MTPN: variants seen among roughly 807,000 people sequenced by gnomAD.
The protein encoded by MTPN is myotrophin, also known as granule cell differentiation protein.
MTPN carries 2 observed loss-of-function variants against 13.5 expected under a neutral mutation model. The observed-to-expected ratio is 0.15, with a 90% CI of 0.06 to 0.47. The LOEUF (loss-of-function observed/expected upper bound fraction) is 0.47. Among genes scored for constraint, MTPN ranks in the 20% least tolerant of loss-of-function variants. The pLI, the probability that MTPN is intolerant of heterozygous loss-of-function variation, is 0.97. For missense variants in MTPN, 79 were observed against 137.9 expected, an observed-to-expected ratio of 0.57 and a Z score of 2.14; for synonymous variants, 46 against 51.7, an observed-to-expected ratio of 0.89 and a Z score of 0.48.
intron 3 of MTPN, among the ~76,000 whole-genome samples, chr7:135,948,201 A>G (rs911695391): frequency 1.3e-5 from 2 of 152,178 alleles, no homozygotes; most frequent in Non-Finnish European, 2.9e-5. Flanking sequence ...TCAATTTTCA[A>G]AAAAAATCTG....
intron 3 of MTPN, among the ~76,000 whole-genome samples, chr7:135,937,402 A>C (rs866419188): frequency 6.3e-5 from 9 of 142,550 alleles, no homozygotes; most frequent in East Asian, 4.2e-4. Flanking sequence ...CACACACACA[A>C]AACCTCTCTC....
chr7:135,953,464 G>C (rs566497150), intron 1 of MTPN, among the ~76,000 whole-genome samples: 99 of 152,286 alleles, frequency 6.5e-4, no homozygotes, highest in African/African-American at 2.1e-3. Context: ...TCTATGTGCA[G>C]AGATGACAGT....
chr7:135,934,555 C>T (rs762446323), intron 3 of MTPN, among the ~76,000 whole-genome samples: 3 of 152,218 alleles, frequency 2.0e-5, no homozygotes, highest in Non-Finnish European at 4.4e-5. Flanking sequence ...ATTACCTAGG[C>T]TGCCATGTGG....
intron 3 of MTPN, 110 bp from the exon 4 acceptor site, chr7:135,930,122 CT>C: frequency 1.1e-6 from 1 of 928,630 alleles, no homozygotes; most frequent in Non-Finnish European, 1.7e-6. Flanking sequence ...TTAAAAATTC[CT>C]TTACTAGTGG....
At chr7:135,970,281 A>G (rs1341296413) in intron 1 of MTPN, among the ~76,000 whole-genome samples, 1 of 152,210 alleles carries the variant, frequency 6.6e-6, no homozygotes, top group African/African-American at 2.4e-5. Flanking sequence ...GTTTTTCTGA[A>G]ATTAATTACA....
chr7:135,964,211 C>T (rs896083833), intron 1 of MTPN, among the ~76,000 whole-genome samples: 5 of 151,946 alleles, frequency 3.3e-5, no homozygotes, highest in Non-Finnish European at 7.4e-5. Context: ...AACTGTATAG[C>T]TGCTTTCTAA....
At chr7:135,940,675 C>T (rs1223566224) in intron 3 of MTPN, among the ~76,000 whole-genome samples, 1 of 152,088 alleles carries the variant, frequency 6.6e-6, no homozygotes, top group African/African-American at 2.4e-5. Context: ...TATTCTATAC[C>T]ACATTTAGTT....
chr7:135,944,714 C>A lies in MTPN; in HGVS notation c.270+5885G>T, dbSNP rs751429602. On this transcript the variant is annotated intron_variant, in intron 3 of 3. Transcript: ENST00000393085. ...CATGATAGTGTATTAATACTACAGG[C>A]AAACTACTATTATTTCTCTTACAGA... is the stretch of plus-strand genomic sequence containing the variant. Among the ~76,000 whole-genome samples, 97 of 152,064 alleles carry A rather than the reference C, an allele frequency of 6.4e-4. 1 individual carries two copies. The highest frequency in any genetic ancestry group is 1.8e-4 in the Non-Finnish European group (12 of 68,006).
At chr7:135,968,965 T>C (rs767534730) in intron 1 of MTPN, among the ~76,000 whole-genome samples, 3 of 151,726 alleles carry the variant, frequency 2.0e-5, no homozygotes, top group Non-Finnish European at 4.4e-5. Context: ...ATAAAGATGA[T>C]GGTTCAAATT....
At chr7:135,950,012 C>A (rs1213062281) in intron 3 of MTPN, among the ~76,000 whole-genome samples, 2 of 152,156 alleles carry the variant, frequency 1.3e-5, no homozygotes, top group African/African-American at 4.8e-5. Context: ...TCTAATACAG[C>A]TAGAATGGCG....
intron 2 of MTPN, among the ~76,000 whole-genome samples, chr7:135,951,133 G>C (rs1799358862): frequency 6.6e-6 from 1 of 152,130 alleles, no homozygotes; most frequent in African/African-American, 2.4e-5. Flanking sequence ...GCGCTTATCT[G>C]ACCACTTGCC....
In MTPN at chr7:135,930,011, C is replaced by A. The variant is rs1798993049; in HGVS notation, c.272G>T (p.Gly91Val). ...TGGGCCTTTCACAGTCTTATCAGCA[C>A]CCTGGAAAAGAGAGGAAAGGGCTCA... ...VSCVKLLLSK[G>V]ADKTVKGPDG... The change falls in exon 4 of 4, where the codon GGT becomes GTT. Residue 91 changes from glycine to valine, a missense_variant and splice_region_variant. Coordinates refer to ENST00000393085, the MANE Select transcript of MTPN (RefSeq NM_145808.4). 1 of 1,612,754 alleles carries A rather than the reference C, an allele frequency of 6.2e-7. No individual in the cohort carries two copies. The highest frequency in any genetic ancestry group is 8.5e-7 in the Non-Finnish European group (1 of 1,179,814).
At chr7:135,934,360 T>C (rs1031753585) in intron 3 of MTPN, among the ~76,000 whole-genome samples, 29 of 152,334 alleles carry the variant, frequency 1.9e-4, no homozygotes, top group African/African-American at 7.0e-4. Flanking sequence ...CTCACCCATA[T>C]GTCTGGAGCT....
chr7:135,965,458 T>G (rs1799590776), intron 1 of MTPN, among the ~76,000 whole-genome samples: 1 of 152,144 alleles, frequency 6.6e-6, no homozygotes, highest in African/African-American at 2.4e-5. Context: ...TTCTAAGGAC[T>G]TAAGTTTTAG....
rs1173139247 is a variant in MTPN at position 135,927,248 on chromosome 7, T to A, written c.*2678A>T. The stretch of plus-strand genomic sequence containing the variant: ...GCTTCCACACACTGCACCTACCTAC[T>A]ACCTCTCTTCCATGCTTAACTGGGT... On this transcript the variant is annotated 3_prime_UTR_variant, in exon 4 of 4. Coordinates refer to ENST00000393085, the MANE Select transcript of MTPN (RefSeq NM_145808.4). 6.6e-7 allele frequency: 1 copy of A among 1,508,360 alleles called. No homozygotes were observed. Among genetic ancestry groups the A allele is most frequent in the Admixed American group, 2.2e-5 (1 of 45,898 alleles). 93.4% of individuals were successfully genotyped at this position (1,508,360 alleles called of 1,614,324 possible).
chr7:135,962,181 G>C (rs10232887), intron 1 of MTPN, among the ~76,000 whole-genome samples: 71,231 of 151,362 alleles, frequency 0.47, 16,987 homozygotes, highest in East Asian at 0.6. Context: ...TAAAACCTTA[G>C]AGAACCCATT....
At chr7:135,957,413 G>GT (rs1302813403) in intron 1 of MTPN, among the ~76,000 whole-genome samples, 1 of 151,948 alleles carries the variant, frequency 6.6e-6, no homozygotes, top group Non-Finnish European at 1.5e-5. Flanking sequence ...CCCAAGAAAG[G>GT]TCTTAAGATT....
chr7:135,959,310 C>T (rs753933179), intron 1 of MTPN, among the ~76,000 whole-genome samples: 2 of 152,094 alleles, frequency 1.3e-5, no homozygotes, highest in African/African-American at 2.4e-5. Flanking sequence ...TCATTGATTC[C>T]TAAGCACACA....
At chr7:135,933,573 G>A (rs1454065785) in intron 3 of MTPN, among the ~76,000 whole-genome samples, 7 of 152,038 alleles carry the variant, frequency 4.6e-5, no homozygotes, top group Non-Finnish European at 8.8e-5. Context: ...AGTAAGTGAT[G>A]TTCAAATTAT....
Sources: allele counts gnomAD v4.1 joint callset (sites outside exome capture counted in the v4.1 genomes callset), GRCh38; gene constraint gnomAD v4.1.1; transcripts MANE v1.5; gene names NCBI Gene and HGNC (gene_info 2026-07-23, HGNC 2026-07-21).